Variants in EFCAB6 observed in about 807,000 individuals in gnomAD.
The protein encoded by EFCAB6 is EF-hand calcium binding domain 6, also known as EF-hand calcium-binding domain-containing protein 6.
A neutral mutation model predicts 169.8 loss-of-function variants in EFCAB6; 156 were observed. The ratio of observed to expected loss-of-function variants is 0.92; its 90% CI spans 0.81 to 1.05. EFCAB6 has a LOEUF of 1.05. Among genes scored for constraint, EFCAB6 ranks in the 50% least tolerant of loss-of-function variants. The probability of loss-of-function intolerance (pLI) is 0.00; values close to 1 mark genes in which losing one functional copy is unlikely to be tolerated. For synonymous variants in EFCAB6, 698 were observed against 676.4 expected, an observed-to-expected ratio of 1.03 and a Z score of -0.50; for missense variants, 1,800 against 1,829.1, an observed-to-expected ratio of 0.98 and a Z score of 0.29.
chr22:43,620,228 G>C (rs147206058), intron 20 of EFCAB6, among the ~76,000 whole-genome samples: 114 of 152,224 alleles, frequency 7.5e-4, no homozygotes, highest in African/African-American at 2.6e-3. Context: ...TGGATCACTT[G>C]GACCTGGGAG....
chr22:43,600,325 A>C (rs2052406308), intron 22 of EFCAB6, 62 bp from the exon 23 acceptor site: 1 of 1,549,578 alleles, frequency 6.5e-7, no homozygotes, highest in Admixed American at 1.8e-5. Flanking sequence ...GCTGATGCTC[A>C]GGGTTTGGAA....
chr22:43,653,687 G>A (rs2056594866), intron 17 of EFCAB6, among the ~76,000 whole-genome samples: 1 of 152,172 alleles, frequency 6.6e-6, no homozygotes, highest in African/African-American at 2.4e-5. Flanking sequence ...ACCAGAAACT[G>A]GTAGGGATAC....
intron 21 of EFCAB6, among the ~76,000 whole-genome samples, chr22:43,613,149 CAT>C (rs935981063): frequency 6.8e-5 from 10 of 146,540 alleles, no homozygotes; most frequent in Admixed American, 1.4e-4. Flanking sequence ...ATATAAATAT[CAT>C]ATATAAATAT....
In EFCAB6 at chr22:43,782,331, A is replaced by T. The variant is rs1220881863; in HGVS notation, c.-7-6T>A. On this transcript the variant is annotated splice_region_variant and splice_polypyrimidine_tract_variant and intron_variant, in intron 2 of 31. Coordinates refer to ENST00000262726, the MANE Select transcript of EFCAB6 (RefSeq NM_022785.4). ...CCATTTTGCACATTAAATCCCTGTG[A>T]TATAAAAGAAAACAGATTACGTTAC... 1.2e-6 allele frequency: 2 copies of T among 1,609,776 alleles called. No individual in the cohort carries two copies. The highest frequency in any genetic ancestry group is 1.7e-5 in the Admixed American group (1 of 58,848).
chr22:43,621,346 C>T (rs988390890), intron 20 of EFCAB6, among the ~76,000 whole-genome samples: 1 of 152,076 alleles, frequency 6.6e-6, no homozygotes, highest in Non-Finnish European at 1.5e-5. Flanking sequence ...AAGTGATCCG[C>T]CCACCTCAGC....
intron 10 of EFCAB6, among the ~76,000 whole-genome samples, chr22:43,704,727 T>C (rs1277470705): frequency 6.6e-6 from 1 of 152,050 alleles, no homozygotes; most frequent in East Asian, 1.9e-4. Context: ...GCAAGCCTCA[T>C]GGTAACAACA....
intron 15 of EFCAB6, among the ~76,000 whole-genome samples, chr22:43,671,705 A>T (rs1164495395): frequency 6.6e-6 from 1 of 152,204 alleles, no homozygotes; most frequent in Non-Finnish European, 1.5e-5. Flanking sequence ...TGTGAGTTGG[A>T]GTGAGTATTT....
At chr22:43,710,787 C>G (rs1338606676) in intron 10 of EFCAB6, among the ~76,000 whole-genome samples, 4 of 152,096 alleles carry the variant, frequency 2.6e-5, no homozygotes, top group Non-Finnish European at 5.9e-5. Context: ...TTTGTCCCCC[C>G]CACTCCCCAC....
intron 27 of EFCAB6, among the ~76,000 whole-genome samples, chr22:43,547,186 A>C (rs1277349713): frequency 1.3e-5 from 2 of 152,192 alleles, no homozygotes; most frequent in East Asian, 3.9e-4. Flanking sequence ...GAGTTAGGGC[A>C]ACTCAATGTC....
chr22:43,571,830 C>A (rs2049895959), intron 26 of EFCAB6, among the ~76,000 whole-genome samples: 1 of 152,184 alleles, frequency 6.6e-6, no homozygotes, highest in East Asian at 1.9e-4. Flanking sequence ...CGGTCACCCC[C>A]CTCCTCCTGC....
chr22:43,608,544 C>T lies in EFCAB6; in HGVS notation c.2619G>A (p.Lys873=). ...GNGILRRRDI[K]NALYGFDIPL... The stretch of plus-strand genomic sequence containing the variant: ...GAATATCAAAACCGTACAGTGCGTT[C>T]TTTATGTCCCGGCGTCGAAGAATGC... Residue 873 remains lysine (K), a synonymous_variant, in exon 22 of 32, where the codon AAG becomes AAA. Coordinates refer to ENST00000262726, the MANE Select transcript of EFCAB6 (RefSeq NM_022785.4). 2 of 1,614,174 alleles carry T rather than the reference C, an allele frequency of 1.2e-6. No homozygotes were observed. Among genetic ancestry groups the T allele is most frequent in the Non-Finnish European group, 8.5e-7 (1 of 1,180,024 alleles).
chr22:43,715,265 G>A (rs536674493), intron 9 of EFCAB6, among the ~76,000 whole-genome samples: 21 of 152,266 alleles, frequency 1.4e-4, no homozygotes, highest in Middle Eastern at 6.8e-3. Flanking sequence ...AGGGTTAAGG[G>A]CAGGGACTGG....
At chr22:43,678,718 G>A (rs2057880884) in intron 12 of EFCAB6, among the ~76,000 whole-genome samples, 1 of 152,114 alleles carries the variant, frequency 6.6e-6, no homozygotes. Flanking sequence ...AATACCGTGA[G>A]AAAAAATTTC....
intron 2 of EFCAB6, among the ~76,000 whole-genome samples, chr22:43,799,479 A>T (rs146284285): frequency 6.6e-6 from 1 of 152,234 alleles, no homozygotes; most frequent in East Asian, 1.9e-4. Flanking sequence ...GTTAATATTG[A>T]CTTTAGTTAA....
chr22:43,758,756 T>A (rs973860583), intron 5 of EFCAB6, among the ~76,000 whole-genome samples: 1 of 152,256 alleles, frequency 6.6e-6, no homozygotes, highest in African/African-American at 2.4e-5. Flanking sequence ...CTGCAGGAGA[T>A]TAACTGTCTC....
chr22:43,608,280 C>G (rs905680938), intron 22 of EFCAB6, among the ~76,000 whole-genome samples: 1 of 152,104 alleles, frequency 6.6e-6, no homozygotes, highest in African/African-American at 2.4e-5. Context: ...TACTGAAGAC[C>G]AACCCATCCA....
intron 10 of EFCAB6, among the ~76,000 whole-genome samples, chr22:43,702,706 G>T (rs2058811696): frequency 6.6e-6 from 1 of 152,108 alleles, no homozygotes; most frequent in African/African-American, 2.4e-5. Context: ...GGAGCTCTGT[G>T]TACCTGCCAA....
chr22:43,726,133 AT>A (rs1241678314), intron 8 of EFCAB6, among the ~76,000 whole-genome samples: 1 of 152,186 alleles, frequency 6.6e-6, no homozygotes, highest in Non-Finnish European at 1.5e-5. Context: ...AAAATAATGC[AT>A]TATTAAAAAT....
rs985086259 is a variant in EFCAB6 at position 43,634,464 on chromosome 22, G to A, written c.2098+638C>T. ...GGCTGGGAAAATGAAAAATGCACAGGGCTCCTGCATTCCACCCTGCCAGCC... is the reference window on the plus strand; with the variant it reads ...GGCTGGGAAAATGAAAAATGCACAGAGCTCCTGCATTCCACCCTGCCAGCC... On this transcript the variant is annotated intron_variant, in intron 18 of 31. Transcript: ENST00000262726. 3.9e-5 allele frequency among the ~76,000 whole-genome samples: 6 copies of A among 152,094 alleles called. No individual in the cohort carries two copies. In the East Asian group the frequency reaches 1.2e-3, roughly 29 times the overall value.
Sources: gnomAD v4.1 joint callset for allele counts (sites outside exome capture counted in the v4.1 genomes callset) on GRCh38, gnomAD v4.1.1 for gene constraint, MANE v1.5 for transcripts, NCBI Gene and HGNC (gene_info 2026-07-23, HGNC 2026-07-21) for gene names.